Variants in DYNC2H1 observed in about 807,000 individuals in gnomAD.
The protein encoded by DYNC2H1 is dynein cytoplasmic 2 heavy chain 1.
A neutral mutation model predicts 570.0 loss-of-function variants in DYNC2H1; 410 were observed. The ratio of observed to expected loss-of-function variants is 0.72; its 90% CI spans 0.66 to 0.78. The LOEUF (loss-of-function observed/expected upper bound fraction) is 0.78. Among genes scored for constraint, DYNC2H1 ranks in the 30% least tolerant of loss-of-function variants. The pLI, the probability that DYNC2H1 is intolerant of heterozygous loss-of-function variation, is 0.00. For missense variants in DYNC2H1, 4,865 were observed against 5,046.4 expected (o/e 0.96, Z 1.09); for synonymous variants, 1,688 against 1,677.6 (o/e 1.01, Z -0.15).
At chr11:103,265,843 G>GT (rs1219890122) in intron 70 of DYNC2H1, among the ~76,000 whole-genome samples, 2 of 151,992 alleles carry the variant, frequency 1.3e-5, no homozygotes, top group Non-Finnish European at 2.9e-5. Context: ...TGGTTTTTTT[G>GT]TTTTTCCTTT....
chr11:103,257,498 A>G, intron 68 of DYNC2H1, 110 bp from the exon 69 acceptor site: 1 of 1,090,076 alleles, frequency 9.2e-7, no homozygotes, highest in Non-Finnish European at 1.2e-6. Flanking sequence ...AGAAAAAGTA[A>G]GGTTTTTTTA....
chr11:103,116,886 CAT>C (rs1450313835), intron 5 of DYNC2H1, among the ~76,000 whole-genome samples, 172 bp downstream of exon 5: 2 of 151,732 alleles, frequency 1.3e-5, no homozygotes, highest in Non-Finnish European at 2.9e-5. Context: ...TGGTATAAAT[CAT>C]ATGTGTCAAA....
In DYNC2H1 at chr11:103,199,214, G is replaced by T; in HGVS notation, c.7840-14G>T. ...GCTTATATTAATTATAAAATATTCT[G>T]ATTTTTTTAAAAGGGTCTTATTCAT... On this transcript the variant is annotated splice_polypyrimidine_tract_variant and intron_variant, in intron 48 of 88. Coordinates refer to ENST00000375735, the MANE Select transcript of DYNC2H1 (RefSeq NM_001377.3). This position sits in a 1 kb window ranked among gnomAD's most constrained non-coding sequence, Gnocchi z 4.6. 1 of 1,466,188 alleles carries T rather than the reference G, an allele frequency of 6.8e-7. No individual in the cohort carries two copies. The highest frequency in any genetic ancestry group is 9.2e-7 in the Non-Finnish European group (1 of 1,086,748). 90.8% of individuals were successfully genotyped at this position (1,466,188 alleles called of 1,614,324 possible).
chr11:103,406,212 T>G (rs1241494817), intron 84 of DYNC2H1: 2 of 152,036 alleles, frequency 1.3e-5, no homozygotes, highest in Non-Finnish European at 2.9e-5. Flanking sequence ...AACCTAAATT[T>G]CTAAGTTATG....
At chr11:103,224,305 T>C (rs1031750459) in intron 59 of DYNC2H1, among the ~76,000 whole-genome samples, 2 of 152,166 alleles carry the variant, frequency 1.3e-5, no homozygotes, top group South Asian at 2.1e-4. Flanking sequence ...TTTGGTTACA[T>C]GAATGAAATC....
In DYNC2H1 at chr11:103,239,590, G is replaced by A. The variant is rs368721108; in HGVS notation, c.9819+3051G>A. On this transcript the variant is annotated intron_variant, in intron 63 of 88. Transcript: ENST00000375735. The surrounding 1 kb of genome is among the most constrained non-coding windows in gnomAD (Gnocchi z 4.3). ...GGTCACATGGCTATCAAGTGGTAGA[G>A]CCAGGATTCAAACCCAGGCCACCTA... Among the ~76,000 whole-genome samples the A allele has an allele frequency of 6.6e-6, 1 of 151,916 alleles. No individual in the cohort carries two copies. The highest frequency in any genetic ancestry group is 1.5e-5 in the Non-Finnish European group (1 of 67,964).
chr11:103,397,091 C>A (rs942566942), intron 83 of DYNC2H1, among the ~76,000 whole-genome samples: 1 of 151,996 alleles, frequency 6.6e-6, no homozygotes, highest in African/African-American at 2.4e-5. Flanking sequence ...ATGTAAGAAA[C>A]CTGCACTTGT....
intron 18 of DYNC2H1, among the ~76,000 whole-genome samples, chr11:103,144,841 T>C (rs1860151714): frequency 6.6e-6 from 1 of 151,876 alleles, no homozygotes; most frequent in African/African-American, 2.4e-5. Flanking sequence ...TACTGGCTAG[T>C]CTGTCAGTCA....
intron 82 of DYNC2H1, among the ~76,000 whole-genome samples, chr11:103,333,350 G>A (rs547086089): frequency 9.9e-5 from 15 of 152,160 alleles, no homozygotes; most frequent in Admixed American, 7.9e-4. Context: ...TGCAAGCTCC[G>A]CCTCCCGGGT....
intron 73 of DYNC2H1, among the ~76,000 whole-genome samples, chr11:103,286,041 T>C (rs189075527): frequency 4.3e-4 from 66 of 152,338 alleles, no homozygotes; most frequent in Admixed American, 1.4e-3. Flanking sequence ...ACTGATTTAG[T>C]ACTACTTTGG....
intron 87 of DYNC2H1, among the ~76,000 whole-genome samples, chr11:103,466,226 GCTCA>G (rs1262541797): frequency 6.6e-6 from 1 of 152,066 alleles, no homozygotes; most frequent in Non-Finnish European, 1.5e-5. Flanking sequence ...TGAAACAATT[GCTCA>G]CTCATTTAGA....
At chr11:103,468,475 A>G in intron 87 of DYNC2H1, 114 bp from the exon 88 acceptor site, 2 of 654,856 alleles carry the variant, frequency 3.1e-6, no homozygotes, top group Non-Finnish European at 5.2e-6. Flanking sequence ...TTGTTTTCAT[A>G]TATTTGGAAT....
In DYNC2H1 at chr11:103,249,384, TAAAGA is replaced by T. The variant is rs1490460360; in HGVS notation, c.10043-3894_10043-3890del. ...CTTTTTATTTAAAAATAAATATGCG[TAAAGA>T]AAAGAATACCTAAATTTATAGCTAA... On this transcript the variant is annotated intron_variant, in intron 65 of 88. Coordinates refer to ENST00000375735, the MANE Select transcript of DYNC2H1 (RefSeq NM_001377.3). The surrounding 1 kb of genome is among the most constrained non-coding windows in gnomAD (Gnocchi z 4.6). Among the ~76,000 whole-genome samples the T allele has an allele frequency of 6.6e-6, 1 of 151,794 alleles. No homozygotes were observed. Among genetic ancestry groups the T allele is most frequent in the Non-Finnish European group, 1.5e-5 (1 of 67,886 alleles).
intron 87 of DYNC2H1, 117 bp from the exon 88 acceptor site, chr11:103,468,472 C>T (rs900545744): frequency 7.7e-6 from 5 of 649,538 alleles, no homozygotes; most frequent in South Asian, 4.7e-5. Flanking sequence ...TCTTTGTTTT[C>T]ATATATTTGG....
chr11:103,374,765 A>G (rs1172751948), intron 83 of DYNC2H1, among the ~76,000 whole-genome samples: 2 of 152,208 alleles, frequency 1.3e-5, no homozygotes, highest in African/African-American at 4.8e-5. Flanking sequence ...GGTATCTGGC[A>G]GGAGAAATTT....
At position 103,160,967 on chromosome 11, in the gene DYNC2H1, CAT is replaced by C. The variant is rs1802969215; in HGVS notation, c.4418_4419del (p.Ile1473AsnfsTer14). 5 of 1,567,196 alleles carry C rather than the reference CAT, an allele frequency of 3.2e-6. No individual in the cohort carries two copies. The highest frequency in any genetic ancestry group is 1.9e-5 in the Admixed American group (1 of 51,750). On this transcript the variant is annotated frameshift_variant, in exon 29 of 89. Coordinates refer to ENST00000375735, the MANE Select transcript of DYNC2H1 (RefSeq NM_001377.3). LOFTEE classifies it high-confidence loss of function. ...NSVCFDEKSKHITAMKSLEGE... is the reference protein window; with the variant it reads ...NSVCFDEKSKXITAMKSLEGE... ...TGTTTGCTTTGATGAGAAATCAAAA[CAT>C]ATAACTGCAATGAAATCTTTAGAGG...
intron 48 of DYNC2H1, 112 bp downstream of exon 48, chr11:103,198,175 G>A (rs1862575839): frequency 8.1e-7 from 1 of 1,242,148 alleles, no homozygotes; most frequent in Non-Finnish European, 1.1e-6. Flanking sequence ...AATAGGCAAA[G>A]CTGGTTCTTA....
intron 6 of DYNC2H1, among the ~76,000 whole-genome samples, chr11:103,118,476 A>T (rs1858534413): frequency 6.6e-6 from 1 of 152,026 alleles, no homozygotes; most frequent in African/African-American, 2.4e-5. Flanking sequence ...GACATTTTTC[A>T]ATTCTTTTCT....
At chr11:103,253,176 C>A in intron 65 of DYNC2H1, 109 bp from the exon 66 acceptor site, 1 of 1,168,756 alleles carries the variant, frequency 8.6e-7, no homozygotes, top group Non-Finnish European at 1.2e-6. Flanking sequence ...CCGTCTTAGA[C>A]TCTGTCGAAA....
Sources: allele counts gnomAD v4.1 joint callset (sites outside exome capture counted in the v4.1 genomes callset), GRCh38; gene constraint gnomAD v4.1.1; non-coding constraint Gnocchi (gnomAD v3.1); transcripts MANE v1.5; gene names NCBI Gene and HGNC (gene_info 2026-07-23, HGNC 2026-07-21).